The following SLC10A7 variants were observed in gnomAD, a reference collection of about 807,000 sequenced individuals.
SLC10A7 encodes the protein sodium/bile acid cotransporter 7.
SLC10A7 carries 29 observed loss-of-function variants against 43.2 expected under a neutral mutation model. The observed-to-expected ratio is 0.67, with a 90% CI of 0.50 to 0.92. The LOEUF is 0.92. Ranked by LOEUF, SLC10A7 falls within the 40% of genes least tolerant of loss-of-function variation. The pLI, the probability that SLC10A7 is intolerant of heterozygous loss-of-function variation, is 0.00. For missense variants in SLC10A7, 295 were observed against 403.2 expected (o/e 0.73, Z 2.30); for synonymous variants, 152 against 144.8 (o/e 1.05, Z -0.35).
At chr4:146,316,941 C>T (rs963745302) in intron 6 of SLC10A7, among the ~76,000 whole-genome samples, 13 of 152,058 alleles carry the variant, frequency 8.5e-5, no homozygotes, top group Non-Finnish European at 1.8e-4. Flanking sequence ...TATGCTTCCA[C>T]AAAAATTAAC....
chr4:146,451,527 A>C (rs1731603532), intron 4 of SLC10A7, among the ~76,000 whole-genome samples: 1 of 152,100 alleles, frequency 6.6e-6, no homozygotes, highest in African/African-American at 2.4e-5. Context: ...ACAATAGTAC[A>C]CCATGATCAA....
chr4:146,481,924 A>G (rs923443349), intron 4 of SLC10A7, among the ~76,000 whole-genome samples: 1 of 152,218 alleles, frequency 6.6e-6, no homozygotes, highest in Non-Finnish European at 1.5e-5. Context: ...ATGAAAAACA[A>G]AAACAGAAAA....
chr4:146,400,080 G>C (rs549344082), intron 5 of SLC10A7, among the ~76,000 whole-genome samples: 30 of 152,258 alleles, frequency 2.0e-4, no homozygotes, highest in African/African-American at 6.7e-4. Flanking sequence ...GAATTGAGAA[G>C]GGGAGCAGTC....
In SLC10A7 at chr4:146,421,385, G is replaced by GT. The variant is rs531376031; in HGVS notation, c.435+21397dup. ...AGCTCTAGCCAAAGTATTCATTGTT[G>GT]TTCATCTGGGCTCAGAACATTCTAC... On this transcript the variant is annotated intron_variant, in intron 5 of 11. Coordinates refer to ENST00000335472, the MANE Select transcript of SLC10A7 (RefSeq NM_001029998.6). 3.7e-3 allele frequency among the ~76,000 whole-genome samples: 570 copies of GT among 152,140 alleles called. 5 individuals are homozygous for GT. The highest frequency in any genetic ancestry group is 0.013 in the African/African-American group (535 of 41,496).
At chr4:146,345,878 C>A (rs1344370490) in intron 5 of SLC10A7, among the ~76,000 whole-genome samples, 1 of 152,082 alleles carries the variant, frequency 6.6e-6, no homozygotes, top group Non-Finnish European at 1.5e-5. Context: ...AGATACTGTT[C>A]TTGCACTTTG....
At chr4:146,386,338 C>T (rs542123340) in intron 5 of SLC10A7, among the ~76,000 whole-genome samples, 4 of 152,122 alleles carry the variant, frequency 2.6e-5, no homozygotes, top group South Asian at 2.1e-4. Context: ...ATTAGTGATG[C>T]CCTCAACTTA....
chr4:146,388,747 A>C (rs1738190336), intron 5 of SLC10A7, among the ~76,000 whole-genome samples: 1 of 142,646 alleles, frequency 7.0e-6, no homozygotes, highest in Non-Finnish European at 1.5e-5. Context: ...TGACAGTGTG[A>C]GACTCTGTCA....
chr4:146,340,559 AGAGT>A (rs1389107724), intron 5 of SLC10A7, among the ~76,000 whole-genome samples: 1 of 151,630 alleles, frequency 6.6e-6, no homozygotes, highest in African/African-American at 2.4e-5. Flanking sequence ...AGAGAGAGAG[AGAGT>A]GATTAGACTT....
At chr4:146,262,418 G>A (rs1728286689) in intron 10 of SLC10A7, among the ~76,000 whole-genome samples, 1 of 152,208 alleles carries the variant, frequency 6.6e-6, no homozygotes, top group Admixed American at 6.5e-5. Flanking sequence ...GAGAGAGGTT[G>A]AGAACCTGCT....
intron 4 of SLC10A7, among the ~76,000 whole-genome samples, chr4:146,448,541 T>C (rs891269737): frequency 6.6e-6 from 1 of 152,178 alleles, no homozygotes; most frequent in Non-Finnish European, 1.5e-5. Flanking sequence ...CACCCCTCTT[T>C]TTCCTTCCCT....
intron 6 of SLC10A7, among the ~76,000 whole-genome samples, chr4:146,324,458 C>A (rs1308693849): frequency 1.3e-5 from 2 of 152,180 alleles, no homozygotes; most frequent in Non-Finnish European, 2.9e-5. Flanking sequence ...CCTCAGCCAC[C>A]TAATTGTGGC....
At chr4:146,290,672 C>A (rs989556168) in intron 9 of SLC10A7, among the ~76,000 whole-genome samples, 23 of 151,992 alleles carry the variant, frequency 1.5e-4, no homozygotes, top group African/African-American at 5.6e-4. Context: ...CCAGCCTGGG[C>A]AACATAACAA....
Position 146,350,769 on chromosome 4 carries a change from C to A in SLC10A7, c.436-24773G>T, listed in dbSNP as rs1303830828. ...ACTGGGAGGCACCCCCCAGCAGGGG[C>A]ACACTGACACCTCACACGGCAGGGT... On this transcript the variant is annotated intron_variant, in intron 5 of 11. Transcript: ENST00000335472. Among the ~76,000 whole-genome samples, 8 of 96,572 alleles carry A rather than the reference C, an allele frequency of 8.3e-5. No homozygotes were observed. The East Asian group carries it at 1.1e-3, about 13-fold the overall frequency. 63.4% of individuals were successfully genotyped at this position (96,572 alleles called of 152,430 possible). A position where few individuals can be genotyped will look rare whatever the true frequency, so the allele number is the denominator to read the frequency against.
chr4:146,304,725 T>C (rs1016937539), intron 7 of SLC10A7, among the ~76,000 whole-genome samples: 6 of 152,168 alleles, frequency 3.9e-5, no homozygotes, highest in Non-Finnish European at 8.8e-5. Flanking sequence ...ATGTATATTC[T>C]GTTGATTTGG....
chr4:146,510,791 T>C (rs1737389984), intron 2 of SLC10A7, among the ~76,000 whole-genome samples: 1 of 152,218 alleles, frequency 6.6e-6, no homozygotes, highest in Admixed American at 6.5e-5. Flanking sequence ...AATTAACCTC[T>C]ATTCATTGCA....
intron 5 of SLC10A7, among the ~76,000 whole-genome samples, chr4:146,349,709 C>G (rs921832619): frequency 1.2e-4 from 19 of 152,218 alleles, no homozygotes; most frequent in Admixed American, 1.2e-3. Context: ...TTCTTTGCAG[C>G]AACATGGATG....
intron 1 of SLC10A7, among the ~76,000 whole-genome samples, chr4:146,520,602 A>C (rs1424658452): frequency 6.6e-6 from 1 of 152,160 alleles, no homozygotes; most frequent in Non-Finnish European, 1.5e-5. Flanking sequence ...CATTTCATTC[A>C]CTTCCATCAT....
chr4:146,462,557 A>T (rs9991253), intron 4 of SLC10A7, among the ~76,000 whole-genome samples: 3,970 of 152,288 alleles, frequency 0.026, 165 homozygotes, highest in African/African-American at 0.087. Context: ...TATGTAGCTA[A>T]GATATATATG....
At chr4:146,256,698 C>A (rs1019808822) in intron 11 of SLC10A7, 178 bp from the exon 12 acceptor site, 5 of 973,878 alleles carry the variant, frequency 5.1e-6, no homozygotes, top group Non-Finnish European at 6.0e-6. Flanking sequence ...ACCTCTCTGG[C>A]CAGCAGACTT....
Sources: allele counts gnomAD v4.1 joint callset (sites outside exome capture counted in the v4.1 genomes callset), GRCh38; gene constraint gnomAD v4.1.1; transcripts MANE v1.5; gene names NCBI Gene and HGNC (gene_info 2026-07-23, HGNC 2026-07-21).